EIF4G3: variants seen among roughly 807,000 people sequenced by gnomAD.
EIF4G3 encodes eukaryotic translation initiation factor 4 gamma 3.
Under a neutral mutation model 186.4 loss-of-function variants are expected in EIF4G3, and 34 were observed. The observed-to-expected ratio is 0.18, with a 90% confidence interval of 0.14 to 0.24. EIF4G3 has a LOEUF of 0.24. Ranked by LOEUF, EIF4G3 falls within the 10% of genes least tolerant of loss-of-function variation. The pLI, the probability that EIF4G3 is intolerant of heterozygous loss-of-function variation, is 1.00. For synonymous variants in EIF4G3, 673 were observed against 679.5 expected, an observed-to-expected ratio of 0.99 and a Z score of 0.15; for missense variants, 1,536 against 1,948.5, an observed-to-expected ratio of 0.79 and a Z score of 3.99.
chr1:21,151,373 G>A (rs1181710436), intron 2 of EIF4G3, among the ~76,000 whole-genome samples: 6 of 149,590 alleles, frequency 4.0e-5, no homozygotes, highest in African/African-American at 1.5e-4. Context: ...CAAGTAGCTG[G>A]GGTTACAGGC....
intron 2 of EIF4G3, among the ~76,000 whole-genome samples, chr1:21,137,894 C>T (rs6668094): frequency 0.5 from 75,836 of 151,174 alleles, 19,739 homozygotes; most frequent in East Asian, 0.77. Context: ...TAATCCATAA[C>T]TAAATCTAAA....
chr1:20,862,210 A>AT lies in EIF4G3; in HGVS notation c.3111+17dup, dbSNP rs751960328. 76 of 1,301,004 alleles carry AT rather than the reference A, an allele frequency of 5.8e-5. No homozygotes were observed. The highest frequency in any genetic ancestry group is 1.6e-4 in the South Asian group (12 of 75,454). 80.6% of individuals were successfully genotyped at this position (1,301,004 alleles called of 1,614,324 possible). The stretch of plus-strand genomic sequence containing the variant: ...AGACTGGACCAGCAGGCTTATTATT[A>AT]TTTTTTTTCCCACTCACCAGCCTTA... On this transcript the variant is annotated intron_variant, in intron 23 of 36. Coordinates refer to ENST00000602326, the MANE Select transcript of EIF4G3 (RefSeq NM_001391906.1).
chr1:21,056,611 AAATT>A (rs1425855548), intron 3 of EIF4G3, among the ~76,000 whole-genome samples: 1 of 152,228 alleles, frequency 6.6e-6, no homozygotes, highest in African/African-American at 2.4e-5. Context: ...AAATATTCCT[AAATT>A]AATGATTACT....
intron 16 of EIF4G3, among the ~76,000 whole-genome samples, chr1:20,899,137 G>A (rs549976285): frequency 6.6e-6 from 1 of 152,234 alleles, no homozygotes; most frequent in South Asian, 2.1e-4. Context: ...GAGGTTTAAT[G>A]CATTTGATGG....
At chr1:21,143,736 T>C (rs1021813294) in intron 2 of EIF4G3, among the ~76,000 whole-genome samples, 1 of 152,180 alleles carries the variant, frequency 6.6e-6, no homozygotes, top group Non-Finnish European at 1.5e-5. Flanking sequence ...CTGGCCAACA[T>C]GGCAAAACCC....
intron 14 of EIF4G3, among the ~76,000 whole-genome samples, chr1:20,913,371 CA>C (rs1230324489): frequency 6.6e-6 from 1 of 151,954 alleles, no homozygotes; most frequent in South Asian, 2.1e-4. Context: ...ACCATCTCTA[CA>C]AAAAAAATTT....
intron 10 of EIF4G3, among the ~76,000 whole-genome samples, chr1:20,978,677 CA>C (rs10603153): frequency 0.15 from 15,805 of 106,216 alleles, 922 homozygotes; most frequent in East Asian, 0.3. Context: ...TTTATCAGAT[CA>C]AAAAAAAAAA....
intron 20 of EIF4G3, among the ~76,000 whole-genome samples, chr1:20,877,485 C>A (rs1267047397): frequency 6.6e-6 from 1 of 152,156 alleles, no homozygotes; most frequent in Non-Finnish European, 1.5e-5. Flanking sequence ...ATTAGAATAA[C>A]CATTAAAAAT....
chr1:21,127,950 A>T (rs2102451518), intron 2 of EIF4G3, among the ~76,000 whole-genome samples: 1 of 152,312 alleles, frequency 6.6e-6, no homozygotes, highest in Non-Finnish European at 1.5e-5. Context: ...CATGCCTGTA[A>T]TCCCAGCACT....
chr1:21,173,114 G>A (rs1325968950), intron 2 of EIF4G3, among the ~76,000 whole-genome samples: 2 of 119,492 alleles, frequency 1.7e-5, no homozygotes, highest in Non-Finnish European at 3.3e-5. Flanking sequence ...ACTCCAGCCT[G>A]GCAACAGAGC....
chr1:20,882,212 C>A (rs899712573), intron 19 of EIF4G3, among the ~76,000 whole-genome samples: 15 of 58,010 alleles, frequency 2.6e-4, no homozygotes, highest in East Asian at 1.5e-3. Flanking sequence ...CACACACACA[C>A]ACAAAATCAT....
intron 30 of EIF4G3, among the ~76,000 whole-genome samples, chr1:20,836,470 C>T (rs1360694258): frequency 2.0e-5 from 3 of 152,152 alleles, no homozygotes; most frequent in Non-Finnish European, 2.9e-5. Context: ...TGGTCTTGAA[C>T]TCCTGGCCTT....
intron 7 of EIF4G3, among the ~76,000 whole-genome samples, chr1:20,992,062 T>A (rs2081253296): frequency 6.6e-6 from 1 of 152,202 alleles, no homozygotes; most frequent in Non-Finnish European, 1.5e-5. Context: ...TGAAATTGAA[T>A]CCCAGTTTTA....
intron 13 of EIF4G3, among the ~76,000 whole-genome samples, chr1:20,948,745 A>G (rs1399002851): frequency 2.6e-5 from 4 of 152,044 alleles, no homozygotes; most frequent in African/African-American, 9.7e-5. Context: ...ATGGTGCCTC[A>G]GGCCTGCAAT....
intron 2 of EIF4G3, among the ~76,000 whole-genome samples, chr1:21,166,006 G>C (rs985021566): frequency 1.3e-5 from 2 of 150,470 alleles, no homozygotes; most frequent in African/African-American, 4.9e-5. Context: ...TTAGAACACA[G>C]CATACACTAC....
Position 21,077,864 on chromosome 1 carries a change from T to C in EIF4G3, c.-196+11274A>G, listed in dbSNP as rs6683424. On this transcript the variant is annotated intron_variant, in intron 3 of 36. Transcript: ENST00000602326. ...CATTGCACTCCAGCCAGGGCAACAA[T>C]AGCAAAAACTCCGTCTCAAAAAAAA... is the stretch of plus-strand genomic sequence containing the variant. 7.5e-3 allele frequency among the ~76,000 whole-genome samples: 892 copies of C among 118,972 alleles called. 8 individuals are homozygous for C. The highest frequency in any genetic ancestry group is 0.027 in the African/African-American group (849 of 31,002). 78.1% of individuals were successfully genotyped at this position (118,972 alleles called of 152,430 possible).
intron 4 of EIF4G3, among the ~76,000 whole-genome samples, chr1:21,048,210 G>A (rs897397532): frequency 6.6e-6 from 1 of 152,106 alleles, no homozygotes; most frequent in Non-Finnish European, 1.5e-5. Context: ...GAAAACTTAA[G>A]TCCTTTGGGC....
intron 3 of EIF4G3, among the ~76,000 whole-genome samples, chr1:21,074,967 A>G (rs1298082574): frequency 1.3e-5 from 2 of 152,174 alleles, no homozygotes; most frequent in Non-Finnish European, 2.9e-5. Context: ...GATAATCACA[A>G]TCATGAAAAC....
intron 2 of EIF4G3, chr1:21,175,619 G>A (rs536315204): frequency 6.6e-6 from 1 of 152,190 alleles, no homozygotes; most frequent in South Asian, 2.1e-4. Flanking sequence ...TTATCCAGAG[G>A]AACTGCTTTC....
Sources: allele counts gnomAD v4.1 joint callset (sites outside exome capture counted in the v4.1 genomes callset), GRCh38; gene constraint gnomAD v4.1.1; transcripts MANE v1.5; gene names NCBI Gene and HGNC (gene_info 2026-07-23, HGNC 2026-07-21).